The following AUTS2 variants were observed in gnomAD, a reference collection of about 807,000 sequenced individuals.
AUTS2 encodes activator of transcription and developmental regulator AUTS2, also known as autism susceptibility gene 2 protein.
In AUTS2, 17 loss-of-function variants were observed where a neutral mutation model predicts 112.4. The observed-to-expected ratio is 0.15, with a 90% CI of 0.10 to 0.23. AUTS2 has a LOEUF of 0.23. Ranked by LOEUF, AUTS2 falls within the 10% of genes least tolerant of loss-of-function variation. The probability of loss-of-function intolerance (pLI) is 1.00; values close to 1 mark genes in which losing one functional copy is unlikely to be tolerated. For synonymous variants in AUTS2, 751 were observed against 702.7 expected (o/e 1.07, Z -1.09); for missense variants, 1,510 against 1,701.6 (o/e 0.89, Z 1.98).
chr7:70,468,129 G>A (rs1360181415), intron 5 of AUTS2, among the ~76,000 whole-genome samples: 2 of 152,162 alleles, frequency 1.3e-5, no homozygotes, highest in Admixed American at 1.3e-4. Flanking sequence ...GAGAGATGGG[G>A]CTTATATGCA....
chr7:70,156,256 C>G (rs576447034), intron 4 of AUTS2, among the ~76,000 whole-genome samples: 1 of 152,292 alleles, frequency 6.6e-6, no homozygotes, highest in South Asian at 2.1e-4. Context: ...CCAGTAAGAG[C>G]TAAGTTACTT....
chr7:69,979,548 A>G (rs1196459514), intron 2 of AUTS2, among the ~76,000 whole-genome samples: 3 of 152,240 alleles, frequency 2.0e-5, no homozygotes, highest in African/African-American at 7.2e-5. Flanking sequence ...TTAAATTTGA[A>G]GACTACACCA....
At chr7:70,595,833 G>T (rs1480026476) in intron 5 of AUTS2, among the ~76,000 whole-genome samples, 3 of 152,226 alleles carry the variant, frequency 2.0e-5, no homozygotes, top group African/African-American at 4.8e-5. Context: ...GGAGAGGTGG[G>T]GCAGTTTTGT....
intron 1 of AUTS2, among the ~76,000 whole-genome samples, chr7:69,818,464 T>C (rs1790853267): frequency 6.6e-6 from 1 of 152,242 alleles, no homozygotes; most frequent in South Asian, 2.1e-4. Flanking sequence ...ACCAGACCCA[T>C]AATCCAACTT....
At position 70,536,815 on chromosome 7, in the gene AUTS2, G is replaced by A. The variant is rs540068564; in HGVS notation, c.690+101034G>A. Among the ~76,000 whole-genome samples, 7 of 152,102 alleles carry A rather than the reference G, an allele frequency of 4.6e-5. No homozygotes were observed. In the South Asian group the frequency reaches 8.3e-4, roughly 18 times the overall value. ...CTTGGGAGGCTGAGGCAGGTGAATC[G>A]CTTGAACCCAGGAGGTGGAGGTTGC... On this transcript the variant is annotated intron_variant, in intron 5 of 18. Transcript: ENST00000342771.
At chr7:70,223,217 T>G (rs796472557) in intron 4 of AUTS2, among the ~76,000 whole-genome samples, 5 of 152,286 alleles carry the variant, frequency 3.3e-5, no homozygotes, top group African/African-American at 1.2e-4. Flanking sequence ...TAGATCATCC[T>G]TATTTAACAA....
chr7:70,044,948 A>G (rs1469747165), intron 2 of AUTS2, among the ~76,000 whole-genome samples: 1 of 150,210 alleles, frequency 6.7e-6, no homozygotes, highest in Non-Finnish European at 1.5e-5. Context: ...TTTTTTTTTA[A>G]CTTAGCTCTT....
chr7:70,117,876 G>A (rs1015806297), intron 2 of AUTS2, among the ~76,000 whole-genome samples: 3 of 152,020 alleles, frequency 2.0e-5, no homozygotes, highest in Non-Finnish European at 2.9e-5. Flanking sequence ...AGCCTCCTGA[G>A]TAGCTGGGAT....
chr7:70,547,324 G>A (rs1236725942), intron 5 of AUTS2, among the ~76,000 whole-genome samples: 5 of 152,104 alleles, frequency 3.3e-5, no homozygotes, highest in Admixed American at 2.0e-4. Context: ...GCGCAATCTC[G>A]GCTCACTGCA....
intron 4 of AUTS2, among the ~76,000 whole-genome samples, chr7:70,431,050 G>A (rs1379787440): frequency 2.6e-5 from 4 of 151,984 alleles, no homozygotes; most frequent in Non-Finnish European, 5.9e-5. Flanking sequence ...TTTTAGCCGG[G>A]ATGGTCTCGA....
intron 1 of AUTS2, among the ~76,000 whole-genome samples, chr7:69,644,694 C>T (rs949783589): frequency 6.6e-6 from 1 of 152,052 alleles, no homozygotes; most frequent in Non-Finnish European, 1.5e-5. Context: ...TGTAAACCTC[C>T]TAGCACTTAA....
intron 4 of AUTS2, among the ~76,000 whole-genome samples, chr7:70,374,345 A>C (rs1474864506): frequency 6.6e-6 from 1 of 152,226 alleles, no homozygotes; most frequent in Non-Finnish European, 1.5e-5. Context: ...TCTTAACCAC[A>C]AAACCTATCT....
At chr7:70,373,402 C>T (rs911704599) in intron 4 of AUTS2, among the ~76,000 whole-genome samples, 2 of 152,076 alleles carry the variant, frequency 1.3e-5, no homozygotes, top group Admixed American at 6.6e-5. Context: ...AAAACCTCTG[C>T]GATGTGAATA....
chr7:70,297,681 G>C (rs958482309), intron 4 of AUTS2, among the ~76,000 whole-genome samples: 1 of 151,872 alleles, frequency 6.6e-6, no homozygotes, highest in Non-Finnish European at 1.5e-5. Context: ...TGATCCTCCC[G>C]CCTCAGCCTC....
intron 2 of AUTS2, among the ~76,000 whole-genome samples, chr7:69,912,103 G>A (rs1795383445): frequency 6.6e-6 from 1 of 152,222 alleles, no homozygotes; most frequent in African/African-American, 2.4e-5. Flanking sequence ...GAGGTGGCAG[G>A]GGGCTGGCGT....
chr7:70,775,532 G>A (rs900566001), intron 13 of AUTS2, 146 bp downstream of exon 13: 4 of 670,494 alleles, frequency 6.0e-6, no homozygotes, highest in Non-Finnish European at 9.9e-6. Context: ...CAGATAGTGT[G>A]ATTGAAAATG....
At chr7:70,318,238 A>T (rs1170787124) in intron 4 of AUTS2, among the ~76,000 whole-genome samples, 1 of 152,104 alleles carries the variant, frequency 6.6e-6, no homozygotes, top group African/African-American at 2.4e-5. Flanking sequence ...TGCCTAATTC[A>T]TAGGTAGAGT....
chr7:70,118,242 A>G lies in AUTS2; in HGVS notation c.624+9A>G. ...GGGAAAGGCTCAGTGATGTAAGTTT[A>G]AGTAAAAAAAAAAAAAAAAAAAAAA... On this transcript the variant is annotated intron_variant, in intron 3 of 18. Coordinates refer to ENST00000342771, the MANE Select transcript of AUTS2 (RefSeq NM_015570.4). 1 of 1,460,598 alleles carries G rather than the reference A, an allele frequency of 6.8e-7. No individual in the cohort carries two copies. Among genetic ancestry groups the G allele is most frequent in the Non-Finnish European group, 9.0e-7 (1 of 1,110,296 alleles). The allele number at this position is 1,460,598 out of a possible 1,614,324, so 90.5% of individuals were successfully genotyped here. A position where few individuals can be genotyped will look rare whatever the true frequency, so the allele number is the denominator to read the frequency against.
chr7:69,779,050 T>TTA (rs1789027878), intron 1 of AUTS2, among the ~76,000 whole-genome samples: 1 of 86,578 alleles, frequency 1.2e-5, no homozygotes, highest in Non-Finnish European at 2.2e-5. Flanking sequence ...TTTTTTTTTT[T>TTA]AAAAAAAAAA....
Sources: allele counts gnomAD v4.1 joint callset (sites outside exome capture counted in the v4.1 genomes callset), GRCh38; gene constraint gnomAD v4.1.1; transcripts MANE v1.5; gene names NCBI Gene and HGNC (gene_info 2026-07-23, HGNC 2026-07-21).